The following FDFT1 variants were observed in gnomAD, a reference collection of about 807,000 sequenced individuals.
FDFT1 encodes the protein farnesyl-diphosphate farnesyltransferase 1.
A neutral mutation model predicts 46.8 loss-of-function variants in FDFT1; 68 were observed. The ratio of observed to expected loss-of-function variants is 1.45; its 90% CI spans 1.19 to 1.78. The LOEUF (loss-of-function observed/expected upper bound fraction) is 1.78. FDFT1 is among the 40% of genes most tolerant of loss of function. The probability of loss-of-function intolerance (pLI) is 0.00; values close to 1 mark genes in which losing one functional copy is unlikely to be tolerated. For synonymous variants in FDFT1, 351 were observed against 185.1 expected, an observed-to-expected ratio of 1.90 and a Z score of -7.28; for missense variants, 928 against 524.4, an observed-to-expected ratio of 1.77 and a Z score of -7.52.
At chr8:11,816,906 T>A (rs1381251839) in intron 3 of FDFT1, among the ~76,000 whole-genome samples, 1 of 152,232 alleles carries the variant, frequency 6.6e-6, no homozygotes, top group Non-Finnish European at 1.5e-5. Context: ...AATACTGTGT[T>A]GAATAGGAGT....
intron 5 of FDFT1, among the ~76,000 whole-genome samples, chr8:11,829,236 ATTT>A (rs970389720): frequency 2.0e-5 from 3 of 152,214 alleles, no homozygotes; most frequent in African/African-American, 7.2e-5. Flanking sequence ...CATTTTAACT[ATTT>A]TTAAGTCTAT....
intron 3 of FDFT1, among the ~76,000 whole-genome samples, chr8:11,812,652 T>A (rs1319347124): frequency 6.6e-6 from 1 of 152,224 alleles, no homozygotes; most frequent in Admixed American, 6.5e-5. Context: ...GCTCGATTGA[T>A]CATTTTTAAA....
intron 3 of FDFT1, among the ~76,000 whole-genome samples, chr8:11,814,818 G>T (rs1335278059): frequency 6.6e-6 from 1 of 151,922 alleles, no homozygotes; most frequent in Non-Finnish European, 1.5e-5. Context: ...AAAATGGTTG[G>T]CAGATCTGCT....
chr8:11,826,191 A>G lies in FDFT1; in HGVS notation c.678A>G (p.Gly226=), dbSNP rs768195967. The G allele has an allele frequency of 6.4e-7, 1 of 1,573,188 alleles. No homozygotes were observed. Among genetic ancestry groups the G allele is most frequent in the Admixed American group, 1.7e-5 (1 of 58,870 alleles). The change falls in exon 5 of 8, where the codon GGA becomes GGG. Residue 226 remains glycine (G), a synonymous_variant. Transcript: ENST00000220584. The part of the protein sequence containing the change: ...IIRDYLEDQQ[G]GREFWPQEVW... ...GTGACTATCTGGAAGACCAGCAAGG[A>G]GGAAGAGAGTTCTGGCCTCAAGAGG...
At chr8:11,833,603 T>C (rs1389728344) in intron 7 of FDFT1, among the ~76,000 whole-genome samples, 1 of 152,206 alleles carries the variant, frequency 6.6e-6, no homozygotes, top group Non-Finnish European at 1.5e-5. Flanking sequence ...TTGTAATTCA[T>C]AGTTTGAGGG....
chr8:11,801,618 C>G (rs1200838585), upstream of FDFT1: 1 of 209,256 alleles, frequency 4.8e-6, no homozygotes, highest in Non-Finnish European at 9.8e-6. Context: ...CCGCGCTCGG[C>G]TAGACCTGAC....
chr8:11,830,255 G>A lies in FDFT1; in HGVS notation c.714G>A (p.Arg238=), dbSNP rs541562716. 234 of 1,613,748 alleles carry A rather than the reference G, an allele frequency of 1.5e-4. 2 individuals carry two copies. The South Asian group carries it at 2.4e-3, about 17-fold the overall frequency. Reference sequence around the variant, plus strand: ...TCTTATCTGTCTAGGTTTGGAGCAGGTATGTTAAGAAGTTAGGGGATTTTG... The same window carrying A: ...TCTTATCTGTCTAGGTTTGGAGCAGATATGTTAAGAAGTTAGGGGATTTTG... ...REFWPQEVWS[R]YVKKLGDFAK... Residue 238 remains arginine (R), a synonymous_variant, in exon 6 of 8, where the codon AGG becomes AGA. Transcript: ENST00000220584.
chr8:11,806,199 T>A (rs1806806583), intron 1 of FDFT1, among the ~76,000 whole-genome samples: 1 of 152,050 alleles, frequency 6.6e-6, no homozygotes, highest in Non-Finnish European at 1.5e-5. Context: ...CTAAATTCCC[T>A]CCATCCCTGT....
intron 5 of FDFT1, among the ~76,000 whole-genome samples, chr8:11,827,900 C>CA (rs113808742): frequency 0.044 from 6,196 of 142,282 alleles, 197 homozygotes; most frequent in African/African-American, 0.084. Context: ...CAAAACAAAA[C>CA]AAAAAAAACA....
intron 4 of FDFT1, among the ~76,000 whole-genome samples, chr8:11,824,389 G>T (rs1407140754): frequency 6.6e-6 from 1 of 152,152 alleles, no homozygotes; most frequent in African/African-American, 2.4e-5. Context: ...AAGTTACGTT[G>T]TCTCTAAAAG....
intron 1 of FDFT1, chr8:11,803,154 G>T (rs1320418010): frequency 2.9e-5 from 41 of 1,426,534 alleles, no homozygotes; most frequent in Non-Finnish European, 3.8e-5. Flanking sequence ...CCCTGGGCAT[G>T]AGCGACTTTT....
chr8:11,830,497 T>C (rs1311657371), intron 6 of FDFT1, 77 bp downstream of exon 6: 4 of 1,029,638 alleles, frequency 3.9e-6, no homozygotes, highest in African/African-American at 1.6e-5. Flanking sequence ...TTTGCTGTGC[T>C]ATATTCAAGG....
intron 7 of FDFT1, among the ~76,000 whole-genome samples, chr8:11,834,431 C>G (rs527657764): frequency 3.3e-5 from 5 of 152,272 alleles, no homozygotes; most frequent in Admixed American, 1.3e-4. Context: ...CAGGGAGAAT[C>G]TTGTTCGTGT....
chr8:11,798,116 G>A (rs1305037578), upstream of FDFT1: 11 of 152,136 alleles, frequency 7.2e-5, no homozygotes, highest in African/African-American at 2.7e-4. Flanking sequence ...TCACTTTGTT[G>A]CCCAGGCTGC....
chr8:11,830,815 A>G (rs1219525361), intron 6 of FDFT1, among the ~76,000 whole-genome samples: 1 of 152,214 alleles, frequency 6.6e-6, no homozygotes, highest in Non-Finnish European at 1.5e-5. Context: ...TAGACCCGGC[A>G]TAAAAAGAAC....
upstream of FDFT1, among the ~76,000 whole-genome samples, chr8:11,800,329 T>C (rs13276352): frequency 0.19 from 26,932 of 141,990 alleles, 2,677 homozygotes; most frequent in Middle Eastern, 0.28. Context: ...AGGCCATTTT[T>C]ACTTCCTGCA....
intron 3 of FDFT1, chr8:11,810,105 G>T (rs371912664): frequency 4.6e-6 from 2 of 436,946 alleles, no homozygotes; most frequent in South Asian, 3.8e-5. Flanking sequence ...TGTAAAATAG[G>T]GGTAATAATA....
In FDFT1 at chr8:11,838,761, G is replaced by T. The variant is rs1811926505; in HGVS notation, c.*152G>T. 3 of 670,668 alleles carry T rather than the reference G, an allele frequency of 4.5e-6. No individual in the cohort carries two copies. Among genetic ancestry groups the T allele is most frequent in the Non-Finnish European group, 7.8e-6 (3 of 384,302 alleles). The allele number at this position is 670,668 out of a possible 1,614,324, so 41.5% of individuals were successfully genotyped here. A position where few individuals can be genotyped will look rare whatever the true frequency, so the allele number is the denominator to read the frequency against. On this transcript the variant is annotated 3_prime_UTR_variant, in exon 8 of 8. Transcript: ENST00000220584. ...GGACCTTTAGGAAAGTGAAATGCAG[G>T]TGAGAAGAACCTAAACATGAAAGGA... is the stretch of plus-strand genomic sequence containing the variant.
At chr8:11,824,107 C>G (rs1019214980) in intron 4 of FDFT1, among the ~76,000 whole-genome samples, 1 of 152,170 alleles carries the variant, frequency 6.6e-6, no homozygotes, top group Non-Finnish European at 1.5e-5. Flanking sequence ...AAGCAGTCCC[C>G]TCTCCACAGC....
Sources: allele counts gnomAD v4.1 joint callset (sites outside exome capture counted in the v4.1 genomes callset), GRCh38; gene constraint gnomAD v4.1.1; transcripts MANE v1.5; gene names NCBI Gene and HGNC (gene_info 2026-07-23, HGNC 2026-07-21).